GRIK4: variants seen among roughly 807,000 people sequenced by gnomAD.
GRIK4 encodes the protein glutamate ionotropic receptor kainate type subunit 4.
A neutral mutation model predicts 104.9 loss-of-function variants in GRIK4; 40 were observed. The observed-to-expected ratio is 0.38, with a 90% CI of 0.30 to 0.50. The LOEUF is 0.50. GRIK4 is among the 20% of genes least tolerant of loss of function. The pLI, the probability that GRIK4 is intolerant of heterozygous loss-of-function variation, is 0.93. For missense variants in GRIK4, 1,047 were observed against 1,308.1 expected (o/e 0.80, Z 3.08); for synonymous variants, 485 against 524.9 (o/e 0.92, Z 1.04).
At chr11:120,862,344 T>C in intron 9 of GRIK4, 1 of 445,892 alleles carries the variant, frequency 2.2e-6, no homozygotes, top group East Asian at 3.5e-5. Context: ...AGGCACTGAG[T>C]TGTCACTTAG....
intron 3 of GRIK4, among the ~76,000 whole-genome samples, chr11:120,748,239 A>G (rs965291225): frequency 7.9e-5 from 12 of 152,026 alleles, no homozygotes; most frequent in African/African-American, 2.7e-4. Flanking sequence ...TGTTGTGTCC[A>G]TTGGAAACCT....
intron 8 of GRIK4, chr11:120,859,366 G>T (rs143339043): frequency 1.3e-5 from 2 of 152,144 alleles, no homozygotes; most frequent in African/African-American, 4.8e-5. Context: ...AGACCTTGCC[G>T]AAAGTCAAAC....
intron 18 of GRIK4, among the ~76,000 whole-genome samples, chr11:120,965,634 G>C (rs1433582718): frequency 6.6e-6 from 1 of 152,210 alleles, no homozygotes; most frequent in African/African-American, 2.4e-5. Flanking sequence ...GTCTATAGTA[G>C]GGAAGGTTCT....
rs1949640523 is a variant in GRIK4 at position 120,652,914 on chromosome 11, G to A, written c.-158-771G>A. On this transcript the variant is annotated intron_variant, in intron 1 of 20. Transcript: ENST00000527524. ...AGCATGTGCACAGCCAGAATACCAT[G>A]AGCTGTCTGCAGGTGGTGCCTGTCT... is the stretch of plus-strand genomic sequence containing the variant. 2.0e-5 allele frequency among the ~76,000 whole-genome samples: 3 copies of A among 152,198 alleles called. No individual in the cohort carries two copies. The South Asian group carries it at 6.2e-4, about 31-fold the overall frequency.
chr11:120,684,745 C>G (rs952993950), intron 3 of GRIK4, among the ~76,000 whole-genome samples: 1 of 151,788 alleles, frequency 6.6e-6, no homozygotes, highest in African/African-American at 2.4e-5. Flanking sequence ...GAGTCTCGCT[C>G]TGTCGCCCAG....
intron 15 of GRIK4, among the ~76,000 whole-genome samples, chr11:120,954,244 T>TG (rs1245007646): frequency 6.6e-6 from 1 of 152,060 alleles, no homozygotes; most frequent in Non-Finnish European, 1.5e-5. Flanking sequence ...GGAAGGTCTT[T>TG]GGGGCCCACA....
chr11:120,896,894 G>A (rs1467391579), intron 11 of GRIK4, among the ~76,000 whole-genome samples: 1 of 152,214 alleles, frequency 6.6e-6, no homozygotes, highest in Non-Finnish European at 1.5e-5. Context: ...TTTTTAGCCA[G>A]TCGTCTCTCC....
intron 13 of GRIK4, among the ~76,000 whole-genome samples, chr11:120,932,049 C>A (rs1246251204): frequency 6.6e-6 from 1 of 152,198 alleles, no homozygotes; most frequent in African/African-American, 2.4e-5. Flanking sequence ...TGAGTCTCAT[C>A]TGGGGAAAAC....
intron 1 of GRIK4, among the ~76,000 whole-genome samples, chr11:120,634,220 G>C (rs1352447664): frequency 2.0e-5 from 3 of 152,166 alleles, no homozygotes; most frequent in Admixed American, 2.0e-4. Flanking sequence ...CTGGTGCCCT[G>C]TGTTTCCTGA....
chr11:120,766,614 G>A (rs945572955), intron 3 of GRIK4, among the ~76,000 whole-genome samples: 2 of 152,168 alleles, frequency 1.3e-5, no homozygotes, highest in South Asian at 2.1e-4. Flanking sequence ...TGTTCTGTGG[G>A]TTGCAAAGAC....
intron 3 of GRIK4, among the ~76,000 whole-genome samples, chr11:120,795,074 T>C (rs949741035): frequency 1.3e-5 from 2 of 152,116 alleles, no homozygotes; most frequent in Non-Finnish European, 2.9e-5. Flanking sequence ...TGTCACTTTT[T>C]CTTGTTAACA....
intron 1 of GRIK4, among the ~76,000 whole-genome samples, chr11:120,624,965 G>A (rs745861930): frequency 5.3e-5 from 8 of 152,156 alleles, no homozygotes; most frequent in African/African-American, 7.2e-5. Context: ...GCAATCATGC[G>A]CCTCATTTTA....
intron 3 of GRIK4, among the ~76,000 whole-genome samples, chr11:120,661,660 G>A (rs1949819180): frequency 6.6e-6 from 1 of 152,218 alleles, no homozygotes; most frequent in Admixed American, 6.5e-5. Flanking sequence ...AACCTGGCTA[G>A]GCCAGGGGTC....
chr11:120,758,090 A>G (rs1241556300), intron 3 of GRIK4, among the ~76,000 whole-genome samples: 1 of 152,024 alleles, frequency 6.6e-6, no homozygotes, highest in Admixed American at 6.6e-5. Flanking sequence ...GGCATTCCTT[A>G]AGGCTCAGTG....
Position 120,898,785 on chromosome 11 carries a change from T to C in GRIK4, c.1272+146T>C, listed in dbSNP as rs113175595. 8.8e-4 allele frequency: 550 copies of C among 624,918 alleles called. 1 individual carries two copies. Among genetic ancestry groups the C allele is most frequent in the Admixed American group, 1.4e-3 (53 of 37,736 alleles). 38.7% of individuals were successfully genotyped at this position (624,918 alleles called of 1,614,324 possible). A position where few individuals can be genotyped will look rare whatever the true frequency, so the allele number is the denominator to read the frequency against. ...TTATGACAGCGTAATTACACTCAAG[T>C]TGCTGTTTCATATGGAAATGATATT... is the stretch of plus-strand genomic sequence containing the variant. On this transcript the variant is annotated intron_variant, in intron 12 of 20. Transcript: ENST00000527524.
chr11:120,593,412 G>A (rs1468449239), intron 1 of GRIK4, among the ~76,000 whole-genome samples: 1 of 152,062 alleles, frequency 6.6e-6, no homozygotes, highest in African/African-American at 2.4e-5. Flanking sequence ...ACACTCTGCT[G>A]TCCTCATCTT....
intron 11 of GRIK4, among the ~76,000 whole-genome samples, chr11:120,893,009 C>T (rs7103005): frequency 0.024 from 3,643 of 152,246 alleles, 141 homozygotes; most frequent in African/African-American, 0.081. Flanking sequence ...CGTATAAAAG[C>T]GCAGAACTGC....
intron 1 of GRIK4, among the ~76,000 whole-genome samples, chr11:120,638,106 C>T (rs1949422355): frequency 6.6e-6 from 1 of 152,136 alleles, no homozygotes; most frequent in Non-Finnish European, 1.5e-5. Flanking sequence ...TCTCGAACTC[C>T]TGACCTCAGG....
In GRIK4 at chr11:120,962,656, G is replaced by C; in HGVS notation, c.2241G>C (p.Lys747Asn). 6.2e-7 allele frequency: 1 copy of C among 1,613,242 alleles called. No individual in the cohort carries two copies. The highest frequency in any genetic ancestry group is 1.1e-5 in the South Asian group (1 of 91,048). The change falls in exon 18 of 21, where the codon AAG becomes AAC. Residue 747 changes from lysine (K) to asparagine (N), a missense_variant. Coordinates refer to ENST00000527524, the MANE Select transcript of GRIK4 (RefSeq NM_014619.5). ...AGATTGGGGGCCTGCTGGACACCAA[G>C]GGCTATGGGATTGGCATGCCAGTCG... ...LTQIGGLLDT[K>N]GYGIGMPVGS...
Sources: gnomAD v4.1 joint callset for allele counts (sites outside exome capture counted in the v4.1 genomes callset) on GRCh38, gnomAD v4.1.1 for gene constraint, MANE v1.5 for transcripts, NCBI Gene and HGNC (gene_info 2026-07-23, HGNC 2026-07-21) for gene names.